The following UBE2E2 variants were observed in gnomAD, a reference collection of about 807,000 sequenced individuals.
UBE2E2 encodes ubiquitin-conjugating enzyme E2 E2.
UBE2E2 carries 6 observed loss-of-function variants against 24.7 expected under a neutral mutation model. The ratio of observed to expected loss-of-function variants is 0.24; its 90% confidence interval spans 0.13 to 0.48. The LOEUF (loss-of-function observed/expected upper bound fraction) is 0.48, where lower values mean the gene tolerates loss of function less well. Among genes scored for constraint, UBE2E2 ranks in the 20% least tolerant of loss-of-function variants. The pLI, the probability that UBE2E2 is intolerant of heterozygous loss-of-function variation, is 0.99. For synonymous variants in UBE2E2, 104 were observed against 83.6 expected (o/e 1.24, Z -1.33); for missense variants, 169 against 245.0 (o/e 0.69, Z 2.07).
intron 3 of UBE2E2, among the ~76,000 whole-genome samples, chr3:23,464,952 A>G (rs1256945999): frequency 1.3e-5 from 2 of 152,226 alleles, no homozygotes; most frequent in African/African-American, 2.4e-5. Context: ...ACACATGTGT[A>G]TCTTCGAAGA....
chr3:23,439,323 C>A (rs935344253), intron 3 of UBE2E2, among the ~76,000 whole-genome samples: 2 of 152,168 alleles, frequency 1.3e-5, no homozygotes, highest in East Asian at 3.8e-4. Context: ...CTGGCAGATG[C>A]CAGGAATCCA....
At chr3:23,208,954 A>AT in intron 2 of UBE2E2, 79 bp downstream of exon 2, 2 of 1,382,826 alleles carry the variant, frequency 1.4e-6, no homozygotes, top group Non-Finnish European at 9.6e-7. Flanking sequence ...GCATTTAATC[A>AT]TTTTTTCTGG....
chr3:23,477,728 A>G (rs1699169546), intron 3 of UBE2E2, among the ~76,000 whole-genome samples: 1 of 152,148 alleles, frequency 6.6e-6, no homozygotes, highest in South Asian at 2.1e-4. Flanking sequence ...ATCATGGTGT[A>G]CCTACTGATG....
chr3:23,569,053 G>C (rs1696160802), intron 5 of UBE2E2, among the ~76,000 whole-genome samples: 1 of 151,486 alleles, frequency 6.6e-6, no homozygotes, highest in African/African-American at 2.4e-5. Flanking sequence ...AGCATTATTT[G>C]TAATAGCCAA....
At chr3:23,554,250 A>C (rs1695720138) in intron 5 of UBE2E2, among the ~76,000 whole-genome samples, 1 of 152,202 alleles carries the variant, frequency 6.6e-6, no homozygotes, top group African/African-American at 2.4e-5. Flanking sequence ...AAATCCAAAC[A>C]TATATGGGCA....
At chr3:23,434,850 A>G (rs1698148238) in intron 3 of UBE2E2, among the ~76,000 whole-genome samples, 1 of 152,128 alleles carries the variant, frequency 6.6e-6, no homozygotes, top group Admixed American at 6.6e-5. Context: ...ATTTTTTTCC[A>G]TTTGCTTAAA....
At chr3:23,215,410 C>CATAG (rs578173645) in intron 2 of UBE2E2, among the ~76,000 whole-genome samples, 90 of 152,268 alleles carry the variant, frequency 5.9e-4, no homozygotes, top group Admixed American at 1.2e-3. Context: ...CTCAATGAGT[C>CATAG]ATAGCATTGA....
chr3:23,526,688 C>T (rs190354231), intron 4 of UBE2E2, among the ~76,000 whole-genome samples: 4 of 152,248 alleles, frequency 2.6e-5, no homozygotes, highest in Admixed American at 2.0e-4. Flanking sequence ...GATTTTGTTT[C>T]CTGCTTCAAA....
chr3:23,351,208 G>T (rs374225105), intron 3 of UBE2E2, among the ~76,000 whole-genome samples: 4 of 152,064 alleles, frequency 2.6e-5, no homozygotes, highest in East Asian at 3.8e-4. Flanking sequence ...TCACCACCAG[G>T]CCTGCCCTAA....
At chr3:23,482,415 A>G (rs1163349709) in intron 3 of UBE2E2, among the ~76,000 whole-genome samples, 1 of 152,014 alleles carries the variant, frequency 6.6e-6, no homozygotes, top group Non-Finnish European at 1.5e-5. Flanking sequence ...TCATCTCTTA[A>G]AAACTTGTTT....
At chr3:23,505,915 TAGTTACGATA>T (rs1367610896) in intron 4 of UBE2E2, among the ~76,000 whole-genome samples, 3 of 152,236 alleles carry the variant, frequency 2.0e-5, no homozygotes, top group African/African-American at 7.2e-5. Context: ...GGTAGCTAAT[TAGTTACGATA>T]AGAAACAGTG....
rs150185723 is a variant in UBE2E2, at chr3:23,430,489, G to A, written c.228-69119G>A. On this transcript the variant is annotated intron_variant, in intron 3 of 5. Coordinates refer to ENST00000396703, the MANE Select transcript of UBE2E2 (RefSeq NM_152653.4). ...CCCACATTAAGCACTTAATATGTTG[G>A]CTATTATTCTTGGTGGTTGTGTGGC... 9.9e-5 allele frequency among the ~76,000 whole-genome samples: 15 copies of A among 151,610 alleles called. No homozygotes were observed. The East Asian group carries it at 2.9e-3, about 29-fold the overall frequency.
intron 4 of UBE2E2, among the ~76,000 whole-genome samples, chr3:23,509,133 C>G (rs996231788): frequency 7.2e-5 from 11 of 152,188 alleles, no homozygotes; most frequent in Non-Finnish European, 1.5e-4. Flanking sequence ...GAGAGAAACA[C>G]TCTAAGCACA....
chr3:23,293,889 G>T (rs1698836373), intron 3 of UBE2E2, among the ~76,000 whole-genome samples: 4 of 152,212 alleles, frequency 2.6e-5, no homozygotes. Flanking sequence ...GCTGAGTCGA[G>T]AGGATTCCTC....
At chr3:23,351,446 G>C (rs551254076) in intron 3 of UBE2E2, among the ~76,000 whole-genome samples, 1 of 152,190 alleles carries the variant, frequency 6.6e-6, no homozygotes, top group Non-Finnish European at 1.5e-5. Context: ...TGGCAAATTG[G>C]ATAAAGAGTC....
At chr3:23,421,026 T>G (rs887328564) in intron 3 of UBE2E2, among the ~76,000 whole-genome samples, 3 of 152,218 alleles carry the variant, frequency 2.0e-5, no homozygotes, top group African/African-American at 7.2e-5. Flanking sequence ...AGATTTGACT[T>G]AATAATAGGG....
At chr3:23,262,626 T>G (rs1483622104) in intron 3 of UBE2E2, among the ~76,000 whole-genome samples, 1 of 151,880 alleles carries the variant, frequency 6.6e-6, no homozygotes, top group East Asian at 1.9e-4. Flanking sequence ...TTTTTGCTAT[T>G]GAGTTATATA....
At chr3:23,516,640 T>C (rs541497853) in intron 4 of UBE2E2, among the ~76,000 whole-genome samples, 31 of 152,206 alleles carry the variant, frequency 2.0e-4, no homozygotes, top group African/African-American at 7.0e-4. Context: ...GTTAGAAATT[T>C]GGATGAAAAA....
chr3:23,360,297 C>T (rs554602186), intron 3 of UBE2E2, among the ~76,000 whole-genome samples: 2 of 151,860 alleles, frequency 1.3e-5, no homozygotes, highest in Non-Finnish European at 2.9e-5. Flanking sequence ...TTAAAAAAGT[C>T]AGTGTTAAAA....
Sources: gnomAD v4.1 joint callset for allele counts (sites outside exome capture counted in the v4.1 genomes callset) on GRCh38, gnomAD v4.1.1 for gene constraint, MANE v1.5 for transcripts, NCBI Gene and HGNC (gene_info 2026-07-23, HGNC 2026-07-21) for gene names.